The following EFNA5 variants were observed in gnomAD, a reference collection of about 807,000 sequenced individuals.
EFNA5 encodes ephrin-A5.
A neutral mutation model predicts 22.9 loss-of-function variants in EFNA5; 5 were observed. The observed-to-expected ratio is 0.22, with a 90% CI of 0.11 to 0.46. The LOEUF (loss-of-function observed/expected upper bound fraction) is 0.46. Ranked by LOEUF, EFNA5 falls within the 20% of genes least tolerant of loss-of-function variation. The pLI is 0.99. For missense variants in EFNA5, 237 were observed against 293.3 expected, an observed-to-expected ratio of 0.81 and a Z score of 1.40; for synonymous variants, 113 against 112.2, an observed-to-expected ratio of 1.01 and a Z score of -0.04.
At chr5:107,640,750 A>C (rs1414763440) in intron 1 of EFNA5, among the ~76,000 whole-genome samples, 2 of 152,220 alleles carry the variant, frequency 1.3e-5, no homozygotes, top group Admixed American at 6.5e-5. Context: ...TCTAAGCTAC[A>C]AATGCTTTCC....
rs3999107 is a variant in EFNA5, at chr5:107,435,315, C to CTTTTTTTTTTTTTTTTTTTTTTTTTTTTT, written c.126-7807_126-7806insAAAAAAAAAAAAAAAAAAAAAAAAAAAAA. Among the ~76,000 whole-genome samples, 7 of 104,644 alleles carry CTTTTTTTTTTTTTTTTTTTTTTTTTTTTT rather than the reference C, an allele frequency of 6.7e-5. 1 individual carries two copies. The highest frequency in any genetic ancestry group is 2.8e-4 in the African/African-American group (7 of 25,164). 68.7% of individuals were successfully genotyped at this position (104,644 alleles called of 152,430 possible). On this transcript the variant is annotated intron_variant, in intron 1 of 4. Transcript: ENST00000333274. ...TTCCTATTCTAAATCTGAAGATGCT[C>CTTTTTTTTTTTTTTTTTTTTTTTTTTTTT]TTTTTTTTTTTTTTTTTTTTTTGCT...
At chr5:107,473,125 G>A (rs1275979461) in intron 1 of EFNA5, among the ~76,000 whole-genome samples, 1 of 152,088 alleles carries the variant, frequency 6.6e-6, no homozygotes, top group East Asian at 1.9e-4. Context: ...TGTTGTTACT[G>A]ATGGAGATCT....
At chr5:107,511,611 C>T (rs189539908) in intron 1 of EFNA5, among the ~76,000 whole-genome samples, 37 of 152,230 alleles carry the variant, frequency 2.4e-4, no homozygotes, top group South Asian at 4.1e-4. Context: ...TAAAGTGTTA[C>T]ATTCCAACCT....
intron 1 of EFNA5, among the ~76,000 whole-genome samples, chr5:107,547,426 T>G (rs1036038318): frequency 3.9e-5 from 6 of 152,090 alleles, no homozygotes; most frequent in African/African-American, 1.2e-4. Context: ...GGTGTGATGG[T>G]GTCACATAGT....
At chr5:107,565,304 T>C (rs1451145802) in intron 1 of EFNA5, among the ~76,000 whole-genome samples, 2 of 152,240 alleles carry the variant, frequency 1.3e-5, no homozygotes, top group Non-Finnish European at 2.9e-5. Flanking sequence ...TACGCATAGC[T>C]ATGCTATGTG....
At chr5:107,503,401 A>T (rs1237037068) in intron 1 of EFNA5, among the ~76,000 whole-genome samples, 1 of 152,230 alleles carries the variant, frequency 6.6e-6, no homozygotes, top group African/African-American at 2.4e-5. Flanking sequence ...TCAAAAGGTA[A>T]GAATCATTAA....
chr5:107,621,491 C>A (rs1028034555), intron 1 of EFNA5, among the ~76,000 whole-genome samples: 1 of 152,138 alleles, frequency 6.6e-6, no homozygotes, highest in African/African-American at 2.4e-5. Flanking sequence ...TACTTAAAGT[C>A]CAGTCAACAA....
intron 1 of EFNA5, among the ~76,000 whole-genome samples, chr5:107,558,967 T>G (rs897873614): frequency 6.6e-6 from 1 of 152,212 alleles, no homozygotes; most frequent in African/African-American, 2.4e-5. Context: ...TCTGGCACTT[T>G]TATGTTTAAG....
At chr5:107,581,135 T>C (rs1749066789) in intron 1 of EFNA5, among the ~76,000 whole-genome samples, 1 of 152,194 alleles carries the variant, frequency 6.6e-6, no homozygotes. Flanking sequence ...GCTGTTTAAT[T>C]CAGATCTAGT....
chr5:107,579,592 A>T (rs932180575), intron 1 of EFNA5, among the ~76,000 whole-genome samples: 7 of 151,598 alleles, frequency 4.6e-5, no homozygotes, highest in Non-Finnish European at 8.8e-5. Flanking sequence ...CCAGAATAAT[A>T]ATAATAATAA....
intron 1 of EFNA5, 84 bp downstream of exon 1, chr5:107,670,405 G>A: frequency 6.9e-7 from 1 of 1,440,348 alleles, no homozygotes; most frequent in Non-Finnish European, 9.1e-7. Context: ...GCCAGCGGTT[G>A]GTGCGCGCCG....
intron 1 of EFNA5, among the ~76,000 whole-genome samples, chr5:107,531,139 A>G (rs1184843169): frequency 2.0e-5 from 3 of 152,194 alleles, no homozygotes; most frequent in South Asian, 2.1e-4. Context: ...CAAAAGAGGG[A>G]TAAGTCTCTA....
At position 107,490,913 on chromosome 5, in the gene EFNA5, T is replaced by C. The variant is rs74553761; in HGVS notation, c.126-63404A>G. Among the ~76,000 whole-genome samples, 431 of 152,352 alleles carry C rather than the reference T, an allele frequency of 2.8e-3. 25 individuals are homozygous for C. The East Asian group carries it at 0.073, about 26-fold the overall frequency. ...TCTTGCAGAGATCCTGCTCATTATA[T>C]ATTTAAAAACAAGATGAGGTTTCAT... On this transcript the variant is annotated intron_variant, in intron 1 of 4. Transcript: ENST00000333274.
chr5:107,572,631 G>C (rs1367765351), intron 1 of EFNA5, among the ~76,000 whole-genome samples: 1 of 152,150 alleles, frequency 6.6e-6, no homozygotes, highest in Non-Finnish European at 1.5e-5. Context: ...TTAGCACATG[G>C]ACACTGCAGC....
chr5:107,454,345 T>C (rs1448470705), intron 1 of EFNA5, among the ~76,000 whole-genome samples: 1 of 152,132 alleles, frequency 6.6e-6, no homozygotes, highest in Non-Finnish European at 1.5e-5. Flanking sequence ...TTAATGAAAA[T>C]GTATAAAAAT....
At chr5:107,619,155 G>A (rs969683383) in intron 1 of EFNA5, among the ~76,000 whole-genome samples, 5 of 151,830 alleles carry the variant, frequency 3.3e-5, no homozygotes, top group Admixed American at 3.3e-4. Flanking sequence ...TCTATCTCCT[G>A]ACCTCGTGAT....
At chr5:107,510,979 T>C (rs192401046) in intron 1 of EFNA5, among the ~76,000 whole-genome samples, 1 of 151,784 alleles carries the variant, frequency 6.6e-6, no homozygotes, top group African/African-American at 2.4e-5. Flanking sequence ...TATTTCAACA[T>C]AGTTGCATTT....
intron 2 of EFNA5, among the ~76,000 whole-genome samples, chr5:107,406,979 C>T (rs900359504): frequency 3.3e-5 from 5 of 152,170 alleles, no homozygotes; most frequent in South Asian, 2.1e-4. Context: ...ATATGAGTTT[C>T]GTGCAATTTA....
At chr5:107,441,756 T>A (rs1318033611) in intron 1 of EFNA5, among the ~76,000 whole-genome samples, 1 of 152,198 alleles carries the variant, frequency 6.6e-6, no homozygotes, top group Non-Finnish European at 1.5e-5. Context: ...CTAATATCTC[T>A]AAAGATGTCA....
Sources: allele counts gnomAD v4.1 joint callset (sites outside exome capture counted in the v4.1 genomes callset), GRCh38; gene constraint gnomAD v4.1.1; transcripts MANE v1.5; gene names NCBI Gene and HGNC (gene_info 2026-07-23, HGNC 2026-07-21).